Variants in RCOR1 observed in about 807,000 individuals in gnomAD.
RCOR1 encodes the protein REST corepressor 1.
Under a neutral mutation model 64.0 loss-of-function variants are expected in RCOR1, and 12 were observed. The ratio of observed to expected loss-of-function variants is 0.19; its 90% confidence interval spans 0.12 to 0.30. RCOR1 has a LOEUF of 0.30. RCOR1 is among the 10% of genes least tolerant of loss of function. RCOR1 has a pLI of 1.00. For synonymous variants in RCOR1, 279 were observed against 227.2 expected, an observed-to-expected ratio of 1.23 and a Z score of -2.05; for missense variants, 502 against 621.2, an observed-to-expected ratio of 0.81 and a Z score of 2.04.
chr14:102,687,777 C>T (rs186358399), intron 3 of RCOR1, among the ~76,000 whole-genome samples: 9 of 152,204 alleles, frequency 5.9e-5, no homozygotes, highest in African/African-American at 2.2e-4. Flanking sequence ...CAAGCATCTC[C>T]CATGTACCAC....
At chr14:102,636,272 C>T (rs973717185) in intron 2 of RCOR1, among the ~76,000 whole-genome samples, 2 of 151,610 alleles carry the variant, frequency 1.3e-5, no homozygotes, top group Admixed American at 6.6e-5. Flanking sequence ...TTTTTTTTAA[C>T]GTAGAAATCT....
chr14:102,710,285 C>G (rs1041573729), intron 6 of RCOR1, among the ~76,000 whole-genome samples: 4 of 152,188 alleles, frequency 2.6e-5, no homozygotes, highest in Non-Finnish European at 4.4e-5. Flanking sequence ...TTTACAGTTG[C>G]ATTCCTACCT....
chr14:102,683,331 T>TA (rs1895344118), intron 3 of RCOR1, among the ~76,000 whole-genome samples: 1 of 152,128 alleles, frequency 6.6e-6, no homozygotes, highest in Admixed American at 6.5e-5. Context: ...ATTTGACAGA[T>TA]ATCAATACAC....
chr14:102,662,685 T>A (rs1262522449), intron 2 of RCOR1: 1 of 442,120 alleles, frequency 2.3e-6, no homozygotes, highest in Non-Finnish European at 4.3e-6. Context: ...GGGCAGGAGC[T>A]TCCTTCTTTG....
intron 2 of RCOR1, among the ~76,000 whole-genome samples, chr14:102,672,908 T>C (rs1326567631): frequency 6.6e-6 from 1 of 152,240 alleles, no homozygotes; most frequent in African/African-American, 2.4e-5. Context: ...ACTGAAAATA[T>C]ACTAGAAGAG....
chr14:102,606,789 C>CT (rs1353306911), intron 2 of RCOR1, among the ~76,000 whole-genome samples: 1 of 151,656 alleles, frequency 6.6e-6, no homozygotes, highest in Non-Finnish European at 1.5e-5. Context: ...GTGTGAGGCA[C>CT]TGCACCTGGC....
chr14:102,706,114 CAAAAAAA>C (rs71119732), intron 4 of RCOR1, among the ~76,000 whole-genome samples: 21 of 21,334 alleles, frequency 9.8e-4, no homozygotes, highest in South Asian at 2.4e-3. Context: ...AACCCTGTCT[CAAAAAAA>C]AAAAAAAAAA....
In RCOR1 at chr14:102,604,448, C is replaced by T. The variant is rs1595190526; in HGVS notation, c.361+11123C>T. ...AAAACCCTCGAAAGAATGATCTATC[C>T]AGGTTGCTTACTCTGTGCCAGGCTA... On this transcript the variant is annotated intron_variant, in intron 2 of 11. Transcript: ENST00000262241. Among the ~76,000 whole-genome samples, 4 of 152,120 alleles carry T rather than the reference C, an allele frequency of 2.6e-5. No homozygotes were observed. In the South Asian group the frequency reaches 8.3e-4, roughly 31 times the overall value.
At chr14:102,620,022 C>G (rs1469528807) in intron 2 of RCOR1, among the ~76,000 whole-genome samples, 1 of 152,228 alleles carries the variant, frequency 6.6e-6, no homozygotes, top group Admixed American at 6.5e-5. Flanking sequence ...TCCACAGTTC[C>G]TGTCTTCCTT....
At chr14:102,599,399 T>A (rs1893337902) in intron 2 of RCOR1, among the ~76,000 whole-genome samples, 1 of 152,224 alleles carries the variant, frequency 6.6e-6, no homozygotes, top group Admixed American at 6.5e-5. Context: ...CCCAAAGTGC[T>A]GGGCTTACAG....
intron 11 of RCOR1, among the ~76,000 whole-genome samples, chr14:102,724,378 G>A (rs1365607234): frequency 1.3e-5 from 2 of 151,714 alleles, no homozygotes; most frequent in East Asian, 1.9e-4. Context: ...AGGCTGGAGT[G>A]CAGTGGCTCA....
At chr14:102,606,808 A>G (rs1250647101) in intron 2 of RCOR1, among the ~76,000 whole-genome samples, 1 of 150,222 alleles carries the variant, frequency 6.7e-6, no homozygotes, top group Non-Finnish European at 1.5e-5. Context: ...GCTGTTAAGT[A>G]TTATCTAGTA....
intron 11 of RCOR1, 21 bp from the exon 12 acceptor site, chr14:102,726,447 T>G (rs747706899): frequency 4.9e-5 from 77 of 1,574,216 alleles, no homozygotes; most frequent in Non-Finnish European, 6.6e-5. Context: ...CTTTTTTTTT[T>G]TTTTTTCCTC....
At chr14:102,612,897 C>T (rs549745855) in intron 2 of RCOR1, among the ~76,000 whole-genome samples, 87 of 145,124 alleles carry the variant, frequency 6.0e-4, no homozygotes, top group African/African-American at 2.0e-3. Flanking sequence ...TTTGAGGCTG[C>T]TATGAGGTAT....
At chr14:102,673,605 G>T (rs1243729552) in intron 2 of RCOR1, among the ~76,000 whole-genome samples, 2 of 150,990 alleles carry the variant, frequency 1.3e-5, no homozygotes, top group Non-Finnish European at 2.9e-5. Flanking sequence ...AAAGTGCTGG[G>T]ATTACAGGCG....
In RCOR1 at chr14:102,681,907, G is replaced by A. The variant is rs1352993114; in HGVS notation, c.374G>A (p.Arg125Lys). ...VPDFDPAKLA[R>K]RSQERDNLGM... ...TCTTTCTCCCAAGCCAAACTGGCAA[G>A]ACGCAGTCAAGAACGGGACAATCTT... Residue 125 changes from arginine (R) to lysine (K), a missense_variant, in exon 3 of 12, where the codon AGA becomes AAA. Arg to Lys is a conservative substitution (Grantham distance 26). Around this residue, in one of 2 missense-constraint regions of RCOR1, gnomAD observed 242 missense variants for 204.9 expected, o/e 1.18. Coordinates refer to ENST00000262241, the MANE Select transcript of RCOR1 (RefSeq NM_015156.4). The A allele has an allele frequency of 6.2e-7, 1 of 1,613,420 alleles. No homozygotes were observed. Among genetic ancestry groups the A allele is most frequent in the Admixed American group, 1.7e-5 (1 of 60,020 alleles).
At chr14:102,601,020 C>G (rs1374678370) in intron 2 of RCOR1, among the ~76,000 whole-genome samples, 1 of 151,682 alleles carries the variant, frequency 6.6e-6, no homozygotes, top group Non-Finnish European at 1.5e-5. Context: ...TGAAACCCCT[C>G]TCTACTAAAA....
chr14:102,592,741 G>A lies in RCOR1; in HGVS notation c.-146G>A. On this transcript the variant is annotated 5_prime_UTR_variant, in exon 1 of 12. Transcript: ENST00000262241. ...GCGGCTCCGCGCTCTGCCCGTTTGG[G>A]CCTCCCCCGACTCGGACTCGCGCCC... is the stretch of plus-strand genomic sequence containing the variant. The A allele has an allele frequency of 8.2e-7, 1 of 1,220,926 alleles. No individual in the cohort carries two copies. The highest frequency in any genetic ancestry group is 1.0e-6 in the Non-Finnish European group (1 of 981,292). The allele number at this position is 1,220,926 out of a possible 1,614,324, so 75.6% of individuals were successfully genotyped here.
intron 6 of RCOR1, 55 bp from the exon 7 acceptor site, chr14:102,710,880 G>T (rs930130787): frequency 8.0e-7 from 1 of 1,249,948 alleles, no homozygotes; most frequent in African/African-American, 1.5e-5. Context: ...TTTATCGTTT[G>T]TATTCGGAAA....
Sources: gnomAD v4.1 joint callset for allele counts (sites outside exome capture counted in the v4.1 genomes callset) on GRCh38, gnomAD v4.1.1 for gene constraint, gnomAD v4.1.1 regional missense constraint, MANE v1.5 for transcripts, NCBI Gene and HGNC (gene_info 2026-07-23, HGNC 2026-07-21) for gene names.